Variants in AKAP9 observed in about 807,000 individuals in gnomAD.
The protein encoded by AKAP9 is A-kinase anchor protein 9.
A neutral mutation model predicts 488.5 loss-of-function variants in AKAP9; 311 were observed. The ratio of observed to expected loss-of-function variants is 0.64; its 90% CI spans 0.58 to 0.70. The LOEUF (loss-of-function observed/expected upper bound fraction) is 0.70, where lower values mean the gene tolerates loss of function less well. AKAP9 is among the 30% of genes least tolerant of loss of function. The pLI is 0.00. For synonymous variants in AKAP9, 1,462 were observed against 1,483.5 expected (o/e 0.99, Z 0.33); for missense variants, 4,215 against 4,374.5 (o/e 0.96, Z 1.03).
chr7:92,089,304 ATTC>A (rs776078243), intron 37 of AKAP9, 78 bp from the exon 38 acceptor site: 636 of 1,518,666 alleles, frequency 4.2e-4, no homozygotes, highest in Non-Finnish European at 5.3e-4. Flanking sequence ...TGTTCCATTC[ATTC>A]TTCTTTAGAT....
Position 92,102,776 on chromosome 7 carries a change from G to A in AKAP9, c.11280G>A (p.Lys3760=). The change falls in exon 46 of 50, where the codon AAG becomes AAA. Residue 3760 remains lysine (K), a synonymous_variant. Coordinates refer to ENST00000356239, the MANE Select transcript of AKAP9 (RefSeq NM_005751.5). ...TDLEVITNRP[K]GFTRFRSAVR... ...TAGAGGTGATCACCAATCGCCCAAA[G>A]GGCTTCACCAGGTTTCGGTCGGCCG... 6.2e-7 allele frequency: 1 copy of A among 1,614,188 alleles called. No individual in the cohort carries two copies. The highest frequency in any genetic ancestry group is 8.5e-7 in the Non-Finnish European group (1 of 1,180,036).
At position 91,989,281 on chromosome 7, in the gene AKAP9, G is replaced by A. The variant is rs573000714; in HGVS notation, c.352-2877G>A. 7.9e-5 allele frequency among the ~76,000 whole-genome samples: 12 copies of A among 152,190 alleles called. No individual in the cohort carries two copies. The South Asian group carries it at 2.1e-3, about 26-fold the overall frequency. ...GTACACTCATTGGGTTGGAAAATTGGTTCCATCTTAGAATTAGTCAAATAA... is the reference window on the plus strand; with the variant it reads ...GTACACTCATTGGGTTGGAAAATTGATTCCATCTTAGAATTAGTCAAATAA... On this transcript the variant is annotated intron_variant, in intron 3 of 49. Coordinates refer to ENST00000356239, the MANE Select transcript of AKAP9 (RefSeq NM_005751.5).
chr7:92,080,195 A>G lies in AKAP9; in HGVS notation c.8019+43A>G, dbSNP rs116236708. On this transcript the variant is annotated intron_variant, in intron 31 of 49. Coordinates refer to ENST00000356239, the MANE Select transcript of AKAP9 (RefSeq NM_005751.5). The stretch of plus-strand genomic sequence containing the variant: ...TTAGTTTCATTTAAATACCCCAAGA[A>G]ACTAAGCTGATTGCTAATTTACTAA... The G allele has an allele frequency of 2.0e-3, 2,802 of 1,396,242 alleles. 46 individuals carry two copies. The African/African-American group carries it at 0.036, about 18-fold the overall frequency. 86.5% of individuals were successfully genotyped at this position (1,396,242 alleles called of 1,614,324 possible). A position where few individuals can be genotyped will look rare whatever the true frequency, so the allele number is the denominator to read the frequency against.
At chr7:92,082,444 A>G in intron 31 of AKAP9, 78 bp from the exon 32 acceptor site, 1 of 1,495,786 alleles carries the variant, frequency 6.7e-7, no homozygotes, top group Non-Finnish European at 9.2e-7. Flanking sequence ...GGATGGTTTT[A>G]TTAGAATGTA....
At position 92,083,400 on chromosome 7, in the gene AKAP9, T is replaced by C; in HGVS notation, c.8391T>C (p.Ile2797=). ...KISSSNQTPQ[I]LVKNAGIQIN... ...GTAGCAGCAATCAGACTCCACAAAT[T>C]CTTGTTAAAAATGCAGGAATACAAA... Residue 2797 remains isoleucine, a synonymous_variant, in exon 33 of 50, where the codon ATT becomes ATC. Transcript: ENST00000356239. The C allele has an allele frequency of 6.2e-7, 1 of 1,613,988 alleles. No homozygotes were observed. Among genetic ancestry groups the C allele is most frequent in the Non-Finnish European group, 8.5e-7 (1 of 1,179,998 alleles).
rs1216817952 is a variant in AKAP9, at chr7:92,070,200, T to G, written c.6501T>G (p.Phe2167Leu). 12 of 1,613,932 alleles carry G rather than the reference T, an allele frequency of 7.4e-6. No homozygotes were observed. Among genetic ancestry groups the G allele is most frequent in the Non-Finnish European group, 1.0e-5 (12 of 1,179,956 alleles). ...EQALLVSADT[F>L]QKVEDRKHFG... ...CGCTTCTTGTGAGTGCAGATACTTT[T>G]CAAAAGGTGTGGCATTTTATTTGGG... The change falls in exon 27 of 50, where the codon TTT (phenylalanine) becomes TTG (leucine). Residue 2167 changes from phenylalanine to leucine, a missense_variant. Transcript: ENST00000356239.
intron 9 of AKAP9, among the ~76,000 whole-genome samples, chr7:92,012,982 T>TC (rs1445342707): frequency 9.5e-6 from 1 of 104,826 alleles, no homozygotes; most frequent in Non-Finnish European, 2.0e-5. Context: ...AATTTTTTTT[T>TC]TTTTTTTTTT....
At position 92,079,496 on chromosome 7, in the gene AKAP9, A is replaced by G. The variant is rs905116504; in HGVS notation, c.7363A>G (p.Ile2455Val). ...ACCAGAGAATAGTGTTAACGTGGCT[A>G]TAGATCATCTGAGCAAAGACAAACC... ...SIPENSVNVA[I>V]DHLSKDKPEL... The change falls in exon 31 of 50, where the codon ATA (isoleucine) becomes GTA (valine). Residue 2455 changes from isoleucine to valine, a missense_variant. Ile to Val is a conservative substitution (Grantham distance 29). This residue lies in a region of AKAP9 where 1,476 missense variants were observed against 1,477.4 expected (regional missense o/e 1.00). Coordinates refer to ENST00000356239, the MANE Select transcript of AKAP9 (RefSeq NM_005751.5). 19 of 1,613,892 alleles carry G rather than the reference A, an allele frequency of 1.2e-5. No homozygotes were observed. In the Admixed American group the frequency reaches 1.7e-4, roughly 14 times the overall value.
Position 92,084,694 on chromosome 7 carries a change from T to C in AKAP9, c.8701T>C (p.Cys2901Arg), listed in dbSNP as rs752992593. The C allele has an allele frequency of 1.2e-6, 2 of 1,610,758 alleles. No homozygotes were observed. The highest frequency in any genetic ancestry group is 2.2e-5 in the East Asian group (1 of 44,776). ...TGATGCTTACCAGACTAGAGAAATA[T>C]GCTCCAGTGGTAAGTTATATAAATA... ...HSDAYQTREI[C>R]SSDSGSDWGQ... The change falls in exon 34 of 50, where the codon TGC becomes CGC. Residue 2901 changes from cysteine (C) to arginine (R), a missense_variant. By Grantham distance (180) the Cys-to-Arg change is radical (BLOSUM62 -3). This residue lies in a region of AKAP9 where 1,476 missense variants were observed against 1,477.4 expected (regional missense o/e 1.00). Transcript: ENST00000356239.
At chr7:91,956,399 C>CAAAAA (rs554292233) in intron 1 of AKAP9, among the ~76,000 whole-genome samples, 2 of 108,142 alleles carry the variant, frequency 1.8e-5, no homozygotes, top group Non-Finnish European at 4.1e-5. Flanking sequence ...GACTCTGTCT[C>CAAAAA]AAAAAAAAAA....
rs2130875865 is a variant in AKAP9, at chr7:92,085,643, T to C, written c.8981T>C (p.Leu2994Pro). The C allele has an allele frequency of 1.2e-6, 2 of 1,613,496 alleles. No homozygotes were observed. The highest frequency in any genetic ancestry group is 1.7e-6 in the Non-Finnish European group (2 of 1,179,734). Reference protein sequence around the residue: ...RKAYINTISSLKDLITKMQLQ... With the variant: ...RKAYINTISSPKDLITKMQLQ... ...GCTTACATCAATACAATCTCATCTCTAAAGGATTTAATTACAAAGATGCAA... is the reference window on the plus strand; with the variant it reads ...GCTTACATCAATACAATCTCATCTCCAAAGGATTTAATTACAAAGATGCAA... Residue 2994 changes from leucine (L) to proline (P), a missense_variant, in exon 36 of 50, where the codon CTA (leucine) becomes CCA (proline). Coordinates refer to ENST00000356239, the MANE Select transcript of AKAP9 (RefSeq NM_005751.5).
At position 91,973,935 on chromosome 7, in the gene AKAP9, A is replaced by C; in HGVS notation, c.273A>C (p.Glu91Asp). 2.5e-6 allele frequency: 4 copies of C among 1,614,132 alleles called. No individual in the cohort carries two copies. In the Admixed American group the frequency reaches 5.0e-5, roughly 20 times the overall value. ...STIMRTLHSG[E>D]ITSHEQGFSV... is the part of the protein sequence containing the mutation. ...TAATGAGAACTCTACATAGTGGAGA[A>C]ATAACCAGTCATGAGCAGGGCTTCT... Residue 91 changes from glutamate to aspartate, a missense_variant, in exon 2 of 50, where the codon GAA (glutamate) becomes GAC (aspartate). By Grantham distance (45) the Glu-to-Asp change is conservative. This residue lies in a region of AKAP9 where 2,361 missense variants were observed against 2,430.0 expected (regional missense o/e 0.97). Transcript: ENST00000356239.
Position 92,102,760 on chromosome 7 carries a change from T to TCA in AKAP9, c.11266_11267dup (p.Asn3757ProfsTer23). ...CCAGCTTTCACGGATCTAGAGGTGA[T>TCA]CACCAATCGCCCAAAGGGCTTCACC... On this transcript the variant is annotated frameshift_variant, in exon 46 of 50. Coordinates refer to ENST00000356239, the MANE Select transcript of AKAP9 (RefSeq NM_005751.5). LOFTEE classifies it high-confidence loss of function. 1 of 1,614,186 alleles carries TCA rather than the reference T, an allele frequency of 6.2e-7. No homozygotes were observed. Among genetic ancestry groups the TCA allele is most frequent in the African/African-American group, 1.3e-5 (1 of 75,052 alleles).
intron 7 of AKAP9, 91 bp from the exon 8 acceptor site, chr7:92,000,757 C>T (rs979306239): frequency 2.9e-6 from 2 of 696,092 alleles, no homozygotes; most frequent in African/African-American, 3.7e-5. Flanking sequence ...AAAAGAGAAA[C>T]TTCTGTCAGT....
intron 7 of AKAP9, among the ~76,000 whole-genome samples, chr7:91,996,264 T>C (rs2082623697): frequency 6.6e-6 from 1 of 152,190 alleles, no homozygotes; most frequent in Non-Finnish European, 1.5e-5. Flanking sequence ...TGGGGGATTG[T>C]TGGGAGGAAT....
intron 46 of AKAP9, among the ~76,000 whole-genome samples, chr7:92,104,202 T>A (rs1324162970): frequency 2.0e-5 from 3 of 147,586 alleles, no homozygotes; most frequent in African/African-American, 7.8e-5. Context: ...TTTTTTTTTT[T>A]TTTTTTGAGA....
At position 92,077,745 on chromosome 7, in the gene AKAP9, C is replaced by T; in HGVS notation, c.6815C>T (p.Ser2272Phe). The change falls in exon 30 of 50, where the codon TCT (serine) becomes TTT (phenylalanine). Residue 2272 changes from serine (S) to phenylalanine (F), a missense_variant. Physicochemically the swap from Ser to Phe is radical, Grantham distance 155. Transcript: ENST00000356239. ...GCCATAAAGGAATCTGATGCCATGTCTACTCAAGACCAACATGTGCTATTT... is the reference window on the plus strand; with the variant it reads ...GCCATAAAGGAATCTGATGCCATGTTTACTCAAGACCAACATGTGCTATTT... ...GLAIKESDAM[S>F]TQDQHVLFGK... The T allele has an allele frequency of 6.2e-7, 1 of 1,613,768 alleles. No homozygotes were observed. The highest frequency in any genetic ancestry group is 8.5e-7 in the Non-Finnish European group (1 of 1,179,886).
intron 26 of AKAP9, among the ~76,000 whole-genome samples, chr7:92,066,868 C>A (rs529016809): frequency 2.5e-4 from 38 of 152,254 alleles, no homozygotes; most frequent in African/African-American, 8.7e-4. Flanking sequence ...TTCCTTTTCT[C>A]TTACTAGTCC....
chr7:91,995,575 A>C (rs1798295201), intron 6 of AKAP9, 28 bp from the exon 7 acceptor site: 1 of 1,606,346 alleles, frequency 6.2e-7, no homozygotes, highest in African/African-American at 1.3e-5. Context: ...TCAGAATTTA[A>C]CGTTTTGAGG....
Sources: gnomAD v4.1 joint callset for allele counts (sites outside exome capture counted in the v4.1 genomes callset) on GRCh38, gnomAD v4.1.1 for gene constraint, gnomAD v4.1.1 regional missense constraint, MANE v1.5 for transcripts, NCBI Gene and HGNC (gene_info 2026-07-23, HGNC 2026-07-21) for gene names.